DIS3L2: variants seen among roughly 807,000 people sequenced by gnomAD.
The protein encoded by DIS3L2 is DIS3 like 3'-5' exoribonuclease 2, also known as DIS3-like exonuclease 2.
In DIS3L2, 34 loss-of-function variants were observed where a neutral mutation model predicts 97.5. The ratio of observed to expected loss-of-function variants is 0.35; its 90% CI spans 0.27 to 0.46. DIS3L2 has a LOEUF of 0.46. Ranked by LOEUF, DIS3L2 falls within the 20% of genes least tolerant of loss-of-function variation. The pLI is 1.00. For missense variants in DIS3L2, 1,038 were observed against 1,146.0 expected, an observed-to-expected ratio of 0.91 and a Z score of 1.36; for synonymous variants, 435 against 445.2, an observed-to-expected ratio of 0.98 and a Z score of 0.29.
intron 1 of DIS3L2, among the ~76,000 whole-genome samples, chr2:231,983,100 C>G (rs991162869): frequency 6.6e-6 from 1 of 152,162 alleles, no homozygotes; most frequent in Non-Finnish European, 1.5e-5. Context: ...TAGTTTCACT[C>G]TATGTATTTT....
At chr2:232,167,461 G>T (rs1267774747) in intron 9 of DIS3L2, among the ~76,000 whole-genome samples, 1 of 152,002 alleles carries the variant, frequency 6.6e-6, no homozygotes, top group African/African-American at 2.4e-5. Flanking sequence ...CTAATAATAT[G>T]GAAATTCAGA....
intron 9 of DIS3L2, among the ~76,000 whole-genome samples, chr2:232,169,565 C>A (rs894548211): frequency 3.3e-5 from 5 of 152,142 alleles, no homozygotes; most frequent in Admixed American, 1.3e-4. Context: ...AATAGAGTGA[C>A]TAAAGTTGTC....
chr2:232,008,682 G>C (rs12470432), intron 1 of DIS3L2, among the ~76,000 whole-genome samples: 16,945 of 152,132 alleles, frequency 0.11, 1,172 homozygotes, highest in African/African-American at 0.19. Flanking sequence ...AGGGTGCTGG[G>C]GAGTTCCCAT....
At chr2:232,002,097 TC>T (rs1294953723) in intron 1 of DIS3L2, among the ~76,000 whole-genome samples, 1 of 152,208 alleles carries the variant, frequency 6.6e-6, no homozygotes, top group Non-Finnish European at 1.5e-5. Context: ...CAAATAGAAA[TC>T]CGGTTCTCTC....
In DIS3L2 at chr2:232,061,560, T is replaced by A. The variant is rs1262678544; in HGVS notation, c.367-25927T>A. On this transcript the variant is annotated intron_variant, in intron 5 of 20. Coordinates refer to ENST00000325385, the MANE Select transcript of DIS3L2 (RefSeq NM_152383.5). Reference sequence around the variant, plus strand: ...TACAGCTTGTGGCCAGGTTTTTTTCTTCTTATTGTCTACTTTTTCTTCAAC... The same window carrying A: ...TACAGCTTGTGGCCAGGTTTTTTTCATCTTATTGTCTACTTTTTCTTCAAC... 2.6e-5 allele frequency among the ~76,000 whole-genome samples: 4 copies of A among 152,344 alleles called. No individual in the cohort carries two copies. The East Asian group carries it at 7.7e-4, about 29-fold the overall frequency.
intron 6 of DIS3L2, among the ~76,000 whole-genome samples, chr2:232,115,765 G>A (rs1697688025): frequency 6.6e-6 from 1 of 152,176 alleles, no homozygotes. Flanking sequence ...CACTGTGATT[G>A]TAAGTTTCCT....
chr2:232,295,454 T>C (rs1694701740), intron 13 of DIS3L2, among the ~76,000 whole-genome samples: 1 of 152,224 alleles, frequency 6.6e-6, no homozygotes, highest in African/African-American at 2.4e-5. Context: ...CACTTTTGTG[T>C]TGGATCCAAT....
chr2:232,081,805 T>G (rs1440037101), intron 5 of DIS3L2, among the ~76,000 whole-genome samples: 1 of 152,200 alleles, frequency 6.6e-6, no homozygotes, highest in Non-Finnish European at 1.5e-5. Flanking sequence ...TTTTGTTTGT[T>G]TTGAGACGGA....
At chr2:232,107,190 A>G (rs944011006) in intron 6 of DIS3L2, among the ~76,000 whole-genome samples, 2 of 152,152 alleles carry the variant, frequency 1.3e-5, no homozygotes, top group Non-Finnish European at 2.9e-5. Context: ...ATCACGACTA[A>G]AAGAACTACA....
intron 13 of DIS3L2, among the ~76,000 whole-genome samples, chr2:232,271,318 C>T (rs902473135): frequency 6.6e-6 from 1 of 152,198 alleles, no homozygotes. Flanking sequence ...AGTCTTTTCT[C>T]TTACCTCCTG....
chr2:232,031,214 A>G (rs908520175), intron 5 of DIS3L2, among the ~76,000 whole-genome samples: 2 of 152,222 alleles, frequency 1.3e-5, no homozygotes, highest in Non-Finnish European at 2.9e-5. Context: ...TGTTCTTACT[A>G]GCTTTTCCAA....
At chr2:232,124,641 G>A (rs986465049) in intron 6 of DIS3L2, among the ~76,000 whole-genome samples, 2 of 152,160 alleles carry the variant, frequency 1.3e-5, no homozygotes, top group Non-Finnish European at 2.9e-5. Context: ...TCTAGAAGAA[G>A]ATGAGACAGA....
At chr2:232,261,980 A>G (rs369666168) in intron 12 of DIS3L2, among the ~76,000 whole-genome samples, 6 of 152,156 alleles carry the variant, frequency 3.9e-5, no homozygotes, top group East Asian at 3.9e-4. Flanking sequence ...AGTGTGAACA[A>G]TGCCTGTCTC....
chr2:232,035,802 T>C (rs1336627585), intron 5 of DIS3L2, among the ~76,000 whole-genome samples: 1 of 152,230 alleles, frequency 6.6e-6, no homozygotes, highest in Non-Finnish European at 1.5e-5. Context: ...GAAAATTCTT[T>C]TCTTTAAGAA....
At chr2:232,311,033 C>G (rs1695114135) in intron 14 of DIS3L2, among the ~76,000 whole-genome samples, 1 of 152,258 alleles carries the variant, frequency 6.6e-6, no homozygotes, top group African/African-American at 2.4e-5. Flanking sequence ...TTTTATAGCA[C>G]TCAGTTGCCT....
chr2:232,054,075 C>T (rs548342934), intron 5 of DIS3L2, among the ~76,000 whole-genome samples: 1 of 152,282 alleles, frequency 6.6e-6, no homozygotes, highest in East Asian at 1.9e-4. Context: ...CTCCTCTCAC[C>T]CCATCACTAA....
chr2:232,119,442 A>G (rs963043672), intron 6 of DIS3L2, among the ~76,000 whole-genome samples: 3 of 152,210 alleles, frequency 2.0e-5, no homozygotes, highest in Non-Finnish European at 2.9e-5. Context: ...ATGGAAGTCT[A>G]CTTAAACTTG....
intron 12 of DIS3L2, among the ~76,000 whole-genome samples, chr2:232,254,964 G>A (rs1280540666): frequency 2.0e-5 from 3 of 152,212 alleles, no homozygotes; most frequent in Non-Finnish European, 4.4e-5. Flanking sequence ...CCCAGACCAA[G>A]CGACCACATG....
intron 12 of DIS3L2, among the ~76,000 whole-genome samples, chr2:232,257,004 G>C (rs1693584273): frequency 6.6e-6 from 1 of 152,284 alleles, no homozygotes; most frequent in Non-Finnish European, 1.5e-5. Flanking sequence ...TGTAGTCCCA[G>C]CTACTTGGGA....
Sources: gnomAD v4.1 joint callset for allele counts (sites outside exome capture counted in the v4.1 genomes callset) on GRCh38, gnomAD v4.1.1 for gene constraint, MANE v1.5 for transcripts, NCBI Gene and HGNC (gene_info 2026-07-23, HGNC 2026-07-21) for gene names.